The following CLCN6 variants were observed in gnomAD, a reference collection of about 807,000 sequenced individuals.
The protein encoded by CLCN6 is H(+)/Cl(-) exchange transporter 6.
A neutral mutation model predicts 109.8 loss-of-function variants in CLCN6; 70 were observed. That is an observed-to-expected ratio of 0.64 (90% CI 0.53 to 0.78). The LOEUF (loss-of-function observed/expected upper bound fraction) is 0.78, where lower values mean the gene tolerates loss of function less well. Ranked by LOEUF, CLCN6 falls within the 30% of genes least tolerant of loss-of-function variation. CLCN6 has a pLI of 0.00. For missense variants in CLCN6, 984 were observed against 1,142.3 expected (o/e 0.86, Z 2.00); for synonymous variants, 444 against 447.8 (o/e 0.99, Z 0.11).
chr1:11,837,044 C>T lies in CLCN6; in HGVS notation c.2026C>T (p.Gln676Ter). Reference sequence around the variant, plus strand: ...GGCTGGCGAGCAGCGCAAACGGAGCCAGTCCATGAAGTCCTACCCATCCAG... The same window carrying T: ...GGCTGGCGAGCAGCGCAAACGGAGCTAGTCCATGAAGTCCTACCCATCCAG... ...TRAGEQRKRS[Q>*]SMKSYPSSEL... Residue 676 changes from glutamine to a stop codon, truncating the protein, a stop_gained, in exon 19 of 23, where the codon CAG becomes TAG. Coordinates refer to ENST00000346436, the MANE Select transcript of CLCN6 (RefSeq NM_001286.5). LOFTEE classifies it high-confidence loss of function. 6.2e-7 allele frequency: 1 copy of T among 1,612,984 alleles called. No individual in the cohort carries two copies. Among genetic ancestry groups the T allele is most frequent in the Non-Finnish European group, 8.5e-7 (1 of 1,180,036 alleles).
At position 11,833,919 on chromosome 1, in the gene CLCN6, A is replaced by C; in HGVS notation, c.1415A>C (p.Tyr472Ser). The change falls in exon 15 of 23, where the codon TAT becomes TCT. Residue 472 changes from tyrosine (Y) to serine (S), a missense_variant. Tyr to Ser is a moderately radical substitution (Grantham distance 144). Transcript: ENST00000346436. ...PVTLALFFVLYFLLACWTYGI... is the reference protein window; with the variant it reads ...PVTLALFFVLSFLLACWTYGI... ...ACTCTGGCCTTGTTCTTCGTTCTCT[A>C]TTTCTTGCTTGCATGTTGGACTTAC... The C allele has an allele frequency of 1.2e-6, 2 of 1,613,546 alleles. No individual in the cohort carries two copies. The highest frequency in any genetic ancestry group is 1.7e-6 in the Non-Finnish European group (2 of 1,179,902).
Position 11,839,458 on chromosome 1 carries a change from C to T in CLCN6, c.2530-685C>T, listed in dbSNP as rs189029848. 2.7e-3 allele frequency among the ~76,000 whole-genome samples: 410 copies of T among 152,338 alleles called. 4 individuals carry two copies. Among genetic ancestry groups the T allele is most frequent in the Non-Finnish European group, 4.1e-3 (279 of 68,034 alleles). On this transcript the variant is annotated intron_variant, in intron 22 of 22. Coordinates refer to ENST00000346436, the MANE Select transcript of CLCN6 (RefSeq NM_001286.5). ...TGTATTTATGGTAGAGACACGGTTT[C>T]GCCATGTTGCCCAGGCTGGTCTTGA...
At chr1:11,815,777 C>A in intron 2 of CLCN6, 69 bp from the exon 3 acceptor site, 1 of 1,216,568 alleles carries the variant, frequency 8.2e-7, no homozygotes, top group Non-Finnish European at 1.2e-6. Flanking sequence ...AGCAGGAACC[C>A]AGAGGTTTGT....
intron 3 of CLCN6, among the ~76,000 whole-genome samples, chr1:11,816,266 T>C (rs1299907295): frequency 1.3e-5 from 2 of 152,236 alleles, no homozygotes; most frequent in Admixed American, 1.3e-4. Flanking sequence ...AACATCACTT[T>C]TATATGCACT....
intron 2 of CLCN6, among the ~76,000 whole-genome samples, chr1:11,813,439 G>A (rs145628269): frequency 0.1 from 14,923 of 149,136 alleles, 783 homozygotes; most frequent in South Asian, 0.16. Flanking sequence ...CGCCTAGGCT[G>A]GAGTGCAGTA....
intron 20 of CLCN6, among the ~76,000 whole-genome samples, chr1:11,837,708 A>C (rs1644968488): frequency 6.6e-6 from 1 of 152,042 alleles, no homozygotes; most frequent in South Asian, 2.1e-4. Context: ...GAAGTACAAA[A>C]TCCGGGTGTC....
intron 5 of CLCN6, 21 bp downstream of exon 5, chr1:11,819,575 G>A: frequency 1.2e-6 from 2 of 1,607,768 alleles, no homozygotes; most frequent in Non-Finnish European, 1.7e-6. Context: ...CACGGTTCCT[G>A]GTGTTCGTGG....
rs1175127283 is a variant in CLCN6 at position 11,836,065 on chromosome 1, A to G, written c.1892A>G (p.His631Arg). The change falls in exon 18 of 23, where the codon CAT (histidine) becomes CGT (arginine). Residue 631 changes from histidine (H) to arginine (R), a missense_variant. His to Arg is a conservative substitution (Grantham distance 29, BLOSUM62 0). Transcript: ENST00000346436. The part of the protein sequence containing the change: ...LVSILRTTVH[H>R]AFPVVTENRG... The stretch of plus-strand genomic sequence containing the variant: ...AGCATCCTGCGCACCACGGTCCACC[A>G]TGCCTTCCCGGTGGTCACAGAGAAC... 3 of 1,613,576 alleles carry G rather than the reference A, an allele frequency of 1.9e-6. No individual in the cohort carries two copies. Among genetic ancestry groups the G allele is most frequent in the South Asian group, 2.2e-5 (2 of 91,038 alleles).
At chr1:11,816,719 G>T (rs1644677760) in intron 4 of CLCN6, 39 bp downstream of exon 4, 1 of 1,531,076 alleles carries the variant, frequency 6.5e-7, no homozygotes. Context: ...GGGCCATAGG[G>T]CTGGAGGGGC....
chr1:11,838,908 G>T, intron 22 of CLCN6: 1 of 720,254 alleles, frequency 1.4e-6, no homozygotes. Flanking sequence ...ACCAGGCTGT[G>T]TCTTCCTCCT....
chr1:11,836,202 C>T lies in CLCN6; in HGVS notation c.1980+49C>T, dbSNP rs772134328. On this transcript the variant is annotated intron_variant, in intron 18 of 22. Transcript: ENST00000346436. ...AAGGCAGGTGAGAGACAAGCGGTCC[C>T]GTCTCACACGGCTTAGTGCTTTGCC... 41 of 1,539,300 alleles carry T rather than the reference C, an allele frequency of 2.7e-5. No homozygotes were observed. In the African/African-American group the frequency reaches 2.7e-4, roughly 10 times the overall value.
chr1:11,817,486 T>G (rs549181657), intron 4 of CLCN6, among the ~76,000 whole-genome samples: 1 of 152,290 alleles, frequency 6.6e-6, no homozygotes, highest in South Asian at 2.1e-4. Flanking sequence ...GGCAGCAACT[T>G]CACAGGTGAA....
Position 11,807,188 on chromosome 1 carries a change from G to T in CLCN6, c.145G>T (p.Glu49Ter). Residue 49 changes from glutamate (E) to a stop codon, truncating the protein, a stop_gained and splice_region_variant, in exon 2 of 23, where the codon GAG (glutamate) becomes TAG (stop). Coordinates refer to ENST00000346436, the MANE Select transcript of CLCN6 (RefSeq NM_001286.5). LOFTEE classifies it high-confidence loss of function. Reference protein sequence around the residue: ...EDEILPRKDYESLDYDRCIND... With the variant: ...EDEILPRKDY ...TGAGATTCTTCCAAGGAAAGACTAT[G>T]AGGTGAGCTCCTTTGATACTGCTTG... 1 of 1,613,986 alleles carries T rather than the reference G, an allele frequency of 6.2e-7. No homozygotes were observed. Among genetic ancestry groups the T allele is most frequent in the Non-Finnish European group, 8.5e-7 (1 of 1,179,850 alleles).
intron 2 of CLCN6, among the ~76,000 whole-genome samples, chr1:11,812,499 C>T (rs543526437): frequency 2.0e-5 from 3 of 152,294 alleles, no homozygotes; most frequent in South Asian, 2.1e-4. Context: ...CCTTCAGCTT[C>T]GGTCTCCTCC....
chr1:11,812,961 C>T (rs1407774945), intron 2 of CLCN6, among the ~76,000 whole-genome samples: 1 of 152,106 alleles, frequency 6.6e-6, no homozygotes, highest in African/African-American at 2.4e-5. Flanking sequence ...ATACCTAGAG[C>T]CTGGACAAAC....
chr1:11,826,179 G>A lies in CLCN6; in HGVS notation c.672G>A (p.Lys224=), dbSNP rs200555989. ...AGTTTCAGAGCATCTCCTTACGGAA[G>A]ATCCAGTTTAACTTCCCCTATTTCC... ...LPQFQSISLR[K]IQFNFPYFRS... is the part of the protein sequence containing the mutation. The change falls in exon 9 of 23, where the codon AAG becomes AAA. Residue 224 remains lysine, a synonymous_variant. Coordinates refer to ENST00000346436, the MANE Select transcript of CLCN6 (RefSeq NM_001286.5). 1 of 1,613,954 alleles carries A rather than the reference G, an allele frequency of 6.2e-7. No homozygotes were observed. The highest frequency in any genetic ancestry group is 1.7e-5 in the Admixed American group (1 of 60,002).
chr1:11,832,767 G>C (rs1262377808), intron 13 of CLCN6, among the ~76,000 whole-genome samples: 4 of 152,176 alleles, frequency 2.6e-5, no homozygotes. Context: ...TTGTACCGTT[G>C]TACACTGTCA....
chr1:11,821,834 TG>T (rs2100627521), intron 5 of CLCN6, among the ~76,000 whole-genome samples: 2 of 152,360 alleles, frequency 1.3e-5, no homozygotes, highest in Non-Finnish European at 2.9e-5. Context: ...TACATTCATA[TG>T]GTATCATTTT....
chr1:11,838,282 C>G, intron 20 of CLCN6, 53 bp from the exon 21 acceptor site: 1 of 1,526,090 alleles, frequency 6.6e-7, no homozygotes, highest in Admixed American at 1.7e-5. Flanking sequence ...TCTAAGGTGA[C>G]CCTGCTGGCC....
Sources: allele counts gnomAD v4.1 joint callset (sites outside exome capture counted in the v4.1 genomes callset), GRCh38; gene constraint gnomAD v4.1.1; transcripts MANE v1.5; gene names NCBI Gene and HGNC (gene_info 2026-07-23, HGNC 2026-07-21).